TP63: variants seen among roughly 807,000 people sequenced by gnomAD.
The protein encoded by TP63 is tumor protein p63.
TP63 carries 17 observed loss-of-function variants against 82.8 expected under a neutral mutation model. The ratio of observed to expected loss-of-function variants is 0.21; its 90% CI spans 0.14 to 0.31. The LOEUF (loss-of-function observed/expected upper bound fraction) is 0.31. TP63 is among the 10% of genes least tolerant of loss of function. TP63 has a pLI of 1.00. For missense variants in TP63, 648 were observed against 895.3 expected, an observed-to-expected ratio of 0.72 and a Z score of 3.52; for synonymous variants, 330 against 321.7, an observed-to-expected ratio of 1.03 and a Z score of -0.28.
chr3:189,700,102 G>C (rs1717688050), intron 1 of TP63, among the ~76,000 whole-genome samples: 2 of 152,112 alleles, frequency 1.3e-5, no homozygotes, highest in Non-Finnish European at 2.9e-5. Flanking sequence ...GAAGTGTCTG[G>C]AGTGAGCTTT....
At chr3:189,683,122 C>T (rs780694973) in intron 1 of TP63, among the ~76,000 whole-genome samples, 1 of 152,088 alleles carries the variant, frequency 6.6e-6, no homozygotes, top group Non-Finnish European at 1.5e-5. Flanking sequence ...GATATAAGCC[C>T]TGGATCACCT....
At chr3:189,636,532 C>T (rs183445378) in intron 1 of TP63, among the ~76,000 whole-genome samples, 187 of 152,092 alleles carry the variant, frequency 1.2e-3, no homozygotes, top group African/African-American at 4.4e-3. Context: ...TAAGCAAAAC[C>T]GTATGTAACT....
At chr3:189,631,846 A>G (rs1207934614) in intron 1 of TP63, among the ~76,000 whole-genome samples, 1 of 152,194 alleles carries the variant, frequency 6.6e-6, no homozygotes, top group Non-Finnish European at 1.5e-5. Flanking sequence ...TGTTTAAAAT[A>G]TATTATTTGC....
intron 1 of TP63, among the ~76,000 whole-genome samples, chr3:189,735,165 C>G (rs1040565409): frequency 6.6e-6 from 1 of 152,082 alleles, no homozygotes; most frequent in Non-Finnish European, 1.5e-5. Context: ...TTTACCTTGG[C>G]TTCTAAAATA....
intron 1 of TP63, among the ~76,000 whole-genome samples, chr3:189,639,698 TGA>T (rs1272791839): frequency 9.2e-5 from 14 of 152,134 alleles, no homozygotes. Flanking sequence ...ATGTTAAGAC[TGA>T]GAAAGCATTT....
At chr3:189,672,712 G>GGAAGGAAA (rs1715033109) in intron 1 of TP63, among the ~76,000 whole-genome samples, 2 of 140,036 alleles carry the variant, frequency 1.4e-5, no homozygotes, top group South Asian at 4.6e-4. Flanking sequence ...AAGGAAAGAA[G>GGAAGGAAA]GAAGGCAGGC....
At chr3:189,730,405 T>C (rs1720075606) in intron 1 of TP63, among the ~76,000 whole-genome samples, 2 of 152,220 alleles carry the variant, frequency 1.3e-5, no homozygotes, top group African/African-American at 4.8e-5. Flanking sequence ...ACAGAATTAG[T>C]AAAATATTTA....
intron 1 of TP63, among the ~76,000 whole-genome samples, chr3:189,699,198 C>T (rs12696596): frequency 0.35 from 52,729 of 151,990 alleles, 9,784 homozygotes; most frequent in East Asian, 0.64. Flanking sequence ...CACAGTAACC[C>T]TCTGAAGTTG....
At chr3:189,738,252 A>G (rs1225990400) in intron 2 of TP63, among the ~76,000 whole-genome samples, 1 of 152,254 alleles carries the variant, frequency 6.6e-6, no homozygotes, top group African/African-American at 2.4e-5. Flanking sequence ...TGTGAAACGT[A>G]TTATTATTTC....
intron 1 of TP63, among the ~76,000 whole-genome samples, chr3:189,719,795 G>T (rs1719244121): frequency 6.6e-6 from 1 of 152,186 alleles, no homozygotes; most frequent in Admixed American, 6.5e-5. Context: ...GCTTTTCTTT[G>T]GAATTATGCT....
chr3:189,625,608 C>A, the TP63 span, among the ~76,000 whole-genome samples: 1 of 152,192 alleles, frequency 6.6e-6, no homozygotes, highest in East Asian at 1.9e-4. Context: ...GAACTGAGAT[C>A]ATGTAAGGTA....
chr3:189,756,563 C>A, intron 3 of TP63, among the ~76,000 whole-genome samples: 1 of 152,122 alleles, frequency 6.6e-6, no homozygotes, highest in East Asian at 1.9e-4. Flanking sequence ...TAGAAATTCA[C>A]AAATATCACT....
At chr3:189,798,159 C>T (rs1177551116) in intron 3 of TP63, among the ~76,000 whole-genome samples, 1 of 152,008 alleles carries the variant, frequency 6.6e-6, no homozygotes, top group Non-Finnish European at 1.5e-5. Flanking sequence ...GAAGGGATAT[C>T]TTCACCTAGG....
chr3:189,601,550 G>A, the TP63 span, among the ~76,000 whole-genome samples: 1 of 150,164 alleles, frequency 6.7e-6, no homozygotes, highest in Non-Finnish European at 1.5e-5. Flanking sequence ...TTTACCATCT[G>A]CAGAAAGAAT....
chr3:189,794,409 A>ATC (rs1725481447), intron 3 of TP63, among the ~76,000 whole-genome samples: 1 of 152,004 alleles, frequency 6.6e-6, no homozygotes, highest in African/African-American at 2.4e-5. Flanking sequence ...TGATGTAGGA[A>ATC]GATCAAGAAA....
chr3:189,724,324 TTAA>T (rs1214178312), intron 1 of TP63, among the ~76,000 whole-genome samples: 30 of 152,216 alleles, frequency 2.0e-4, no homozygotes, highest in Non-Finnish European at 4.1e-4. Context: ...TATTTAATTC[TTAA>T]TAATGATTTA....
chr3:189,706,581 T>C (rs563328204), intron 1 of TP63, among the ~76,000 whole-genome samples: 2 of 152,298 alleles, frequency 1.3e-5, no homozygotes, highest in East Asian at 1.9e-4. Context: ...TTCTGTTTTT[T>C]CCCTTGGAGA....
At chr3:189,740,429 TAAAG>T (rs1218730312) in intron 3 of TP63, among the ~76,000 whole-genome samples, 2 of 152,180 alleles carry the variant, frequency 1.3e-5, no homozygotes, top group Non-Finnish European at 2.9e-5. Context: ...GGCAAAAAGT[TAAAG>T]AAGTTAAAAA....
chr3:189,604,747 T>C, the TP63 span, among the ~76,000 whole-genome samples: 122 of 152,338 alleles, frequency 8.0e-4, 1 homozygote, highest in African/African-American at 2.9e-3. Flanking sequence ...TTGTTACTTC[T>C]TAGGCAAAAA....
Sources: gnomAD v4.1 joint callset for allele counts (sites outside exome capture counted in the v4.1 genomes callset) on GRCh38, gnomAD v4.1.1 for gene constraint, MANE v1.5 for transcripts, NCBI Gene and HGNC (gene_info 2026-07-23, HGNC 2026-07-21) for gene names.